Variants in ARHGAP15 observed in about 807,000 individuals in gnomAD.
ARHGAP15 encodes rho GTPase-activating protein 15.
Under a neutral mutation model 63.7 loss-of-function variants are expected in ARHGAP15, and 51 were observed. The ratio of observed to expected loss-of-function variants is 0.80; its 90% CI spans 0.64 to 1.01. ARHGAP15 has a LOEUF of 1.01. ARHGAP15 is among the 50% of genes least tolerant of loss of function. ARHGAP15 has a pLI of 0.00. For synonymous variants in ARHGAP15, 191 were observed against 193.8 expected (o/e 0.99, Z 0.12); for missense variants, 560 against 564.6 (o/e 0.99, Z 0.08).
intron 6 of ARHGAP15, among the ~76,000 whole-genome samples, chr2:143,261,664 A>G (rs1407574084): frequency 6.6e-6 from 1 of 152,090 alleles, no homozygotes; most frequent in African/African-American, 2.4e-5. Flanking sequence ...TTTCGTTCAT[A>G]GGAATCTAGT....
chr2:143,212,845 T>C (rs969232364), intron 3 of ARHGAP15, among the ~76,000 whole-genome samples: 1 of 152,176 alleles, frequency 6.6e-6, no homozygotes, highest in Admixed American at 6.5e-5. Context: ...CATGGTGACG[T>C]ATTTCAAACT....
intron 6 of ARHGAP15, among the ~76,000 whole-genome samples, chr2:143,276,397 C>T (rs773034289): frequency 6.6e-6 from 1 of 152,182 alleles, no homozygotes; most frequent in Non-Finnish European, 1.5e-5. Flanking sequence ...TCATAAAGCT[C>T]TTATGGCAAA....
chr2:143,372,150 G>A (rs1353295446), intron 6 of ARHGAP15, among the ~76,000 whole-genome samples: 1 of 151,560 alleles, frequency 6.6e-6, no homozygotes, highest in Non-Finnish European at 1.5e-5. Context: ...GACCAATCTG[G>A]CAACATAGTG....
At chr2:143,714,616 T>C (rs1241638503) in intron 13 of ARHGAP15, among the ~76,000 whole-genome samples, 1 of 152,258 alleles carries the variant, frequency 6.6e-6, no homozygotes, top group African/African-American at 2.4e-5. Flanking sequence ...TAAAACAGAA[T>C]GCTTTTACAG....
intron 12 of ARHGAP15, among the ~76,000 whole-genome samples, chr2:143,697,497 C>G (rs1437368286): frequency 6.6e-6 from 1 of 152,118 alleles, no homozygotes; most frequent in Non-Finnish European, 1.5e-5. Context: ...AAGCAACTTG[C>G]CCAAAATCAT....
intron 2 of ARHGAP15, among the ~76,000 whole-genome samples, chr2:143,173,936 G>A (rs354696): frequency 0.64 from 97,115 of 151,844 alleles, 31,419 homozygotes; most frequent in Non-Finnish European, 0.68. Flanking sequence ...TTTTCAAGGG[G>A]TCGTTCCGAG....
intron 8 of ARHGAP15, among the ~76,000 whole-genome samples, chr2:143,447,427 A>T (rs1466603992): frequency 6.6e-6 from 1 of 152,222 alleles, no homozygotes; most frequent in Non-Finnish European, 1.5e-5. Context: ...ACTGAAAACC[A>T]CTGAAAGTCT....
intron 6 of ARHGAP15, among the ~76,000 whole-genome samples, chr2:143,279,193 T>C (rs1198835872): frequency 6.6e-6 from 1 of 152,164 alleles, no homozygotes; most frequent in Non-Finnish European, 1.5e-5. Context: ...GGTATCTCTT[T>C]TATGGACTGT....
At chr2:143,605,942 A>G (rs1231207736) in intron 11 of ARHGAP15, among the ~76,000 whole-genome samples, 1 of 143,280 alleles carries the variant, frequency 7.0e-6, no homozygotes, top group Non-Finnish European at 1.5e-5. Flanking sequence ...AAGCTGAGGC[A>G]GGAGAATTGC....
chr2:143,297,959 T>C (rs539376992), intron 6 of ARHGAP15, among the ~76,000 whole-genome samples: 36 of 152,174 alleles, frequency 2.4e-4, no homozygotes, highest in African/African-American at 7.9e-4. Flanking sequence ...TGTGATCTTC[T>C]ACCTTTAGCT....
chr2:143,568,041 A>G (rs1696300607), intron 11 of ARHGAP15, among the ~76,000 whole-genome samples: 1 of 152,246 alleles, frequency 6.6e-6, no homozygotes, highest in South Asian at 2.1e-4. Flanking sequence ...AAAGACTTAC[A>G]TGTTAGACTT....
chr2:143,568,606 G>T lies in ARHGAP15; in HGVS notation c.1003+12121G>T, dbSNP rs374545005. On this transcript the variant is annotated intron_variant, in intron 11 of 13. Transcript: ENST00000295095. ...CAGCCATTGTGGAAGACAGTGTGGC[G>T]ATTCCTCAAGGATCTAGAACTAGAA... Among the ~76,000 whole-genome samples, 11 of 152,288 alleles carry T rather than the reference G, an allele frequency of 7.2e-5. No individual in the cohort carries two copies. In the South Asian group the frequency reaches 2.1e-3, roughly 29 times the overall value.
intron 13 of ARHGAP15, among the ~76,000 whole-genome samples, chr2:143,731,780 T>C (rs993818699): frequency 1.3e-5 from 2 of 152,252 alleles, no homozygotes; most frequent in East Asian, 1.9e-4. Flanking sequence ...ACACAACTTA[T>C]TGAATACTAA....
At chr2:143,417,339 A>G (rs1688734648) in intron 6 of ARHGAP15, among the ~76,000 whole-genome samples, 1 of 152,180 alleles carries the variant, frequency 6.6e-6, no homozygotes. Context: ...ACGGTTACAC[A>G]TACTTTCTTC....
intron 10 of ARHGAP15, among the ~76,000 whole-genome samples, chr2:143,546,390 CTTCT>C (rs1695330522): frequency 6.6e-6 from 1 of 151,948 alleles, no homozygotes; most frequent in South Asian, 2.1e-4. Flanking sequence ...TTTCAGTTTT[CTTCT>C]TTGTGTTGGT....
chr2:143,633,700 T>C (rs1680164134), intron 12 of ARHGAP15, among the ~76,000 whole-genome samples: 1 of 152,102 alleles, frequency 6.6e-6, no homozygotes, highest in South Asian at 2.1e-4. Flanking sequence ...AACGCAAAAT[T>C]TCTCCTCAAA....
chr2:143,460,385 T>C (rs1223018811), intron 8 of ARHGAP15, among the ~76,000 whole-genome samples: 2 of 152,202 alleles, frequency 1.3e-5, no homozygotes, highest in African/African-American at 4.8e-5. Flanking sequence ...GCTACTAGTT[T>C]TATTCATTTC....
chr2:143,404,411 G>A (rs192285466), intron 6 of ARHGAP15, among the ~76,000 whole-genome samples: 5 of 151,806 alleles, frequency 3.3e-5, no homozygotes, highest in Admixed American at 1.3e-4. Context: ...TGAATAAATT[G>A]ACAGAAACAG....
At chr2:143,558,695 A>T (rs1043009872) in intron 11 of ARHGAP15, among the ~76,000 whole-genome samples, 2 of 152,164 alleles carry the variant, frequency 1.3e-5, no homozygotes, top group African/African-American at 4.8e-5. Context: ...GGAGTTCCTC[A>T]TACAGGGAGT....
Sources: gnomAD v4.1 joint callset for allele counts (sites outside exome capture counted in the v4.1 genomes callset) on GRCh38, gnomAD v4.1.1 for gene constraint, MANE v1.5 for transcripts, NCBI Gene and HGNC (gene_info 2026-07-23, HGNC 2026-07-21) for gene names.